PBX3: variants seen among roughly 807,000 people sequenced by gnomAD.
PBX3 encodes PBX homeobox 3.
In PBX3, 14 loss-of-function variants were observed where a neutral mutation model predicts 48.5. That is an observed-to-expected ratio of 0.29 (90% CI 0.19 to 0.45). The LOEUF is 0.45. Among genes scored for constraint, PBX3 ranks in the 20% least tolerant of loss-of-function variants. The probability of loss-of-function intolerance (pLI) is 1.00; values close to 1 mark genes in which losing one functional copy is unlikely to be tolerated. For missense variants in PBX3, 386 were observed against 546.7 expected (o/e 0.71, Z 2.93); for synonymous variants, 210 against 200.3 (o/e 1.05, Z -0.41).
At chr9:125,863,100 G>C (rs928027694) in intron 2 of PBX3, among the ~76,000 whole-genome samples, 1 of 151,726 alleles carries the variant, frequency 6.6e-6, no homozygotes, top group Non-Finnish European at 1.5e-5. Context: ...GTCTTGCTTT[G>C]TTGGCCAGGC....
chr9:125,915,779 C>T lies in PBX3; in HGVS notation c.368C>T (p.Pro123Leu). The T allele has an allele frequency of 1.2e-6, 2 of 1,614,050 alleles. No individual in the cohort carries two copies. The highest frequency in any genetic ancestry group is 1.7e-6 in the Non-Finnish European group (2 of 1,180,010). Residue 123 changes from proline (P) to leucine (L), a missense_variant, in exon 3 of 9, where the codon CCT becomes CTT. Pro to Leu is a moderately conservative substitution (Grantham distance 98). This residue lies in a region of PBX3 where 69 missense variants were observed against 99.1 expected (regional missense o/e 0.70). Transcript: ENST00000373489. ...NMLLAEGVSG[P>L]EKGGGSAAAA... ...CTTTTGGCAGAAGGGGTTTCAGGTC[C>T]TGAGAAAGGTGGGGGATCGGCGGCA... is the stretch of plus-strand genomic sequence containing the variant.
rs182331224 is a variant in PBX3, at chr9:125,812,719, A to G, written c.274+64096A>G. ...AGAACATCATACAGTGTTCTTACAC[A>G]AGCTTAAATGATATAGCCTTCTGTA... On this transcript the variant is annotated intron_variant, in intron 2 of 8. Coordinates refer to ENST00000373489, the MANE Select transcript of PBX3 (RefSeq NM_006195.6). 1.5e-3 allele frequency among the ~76,000 whole-genome samples: 231 copies of G among 152,350 alleles called. 1 individual carries two copies. Among genetic ancestry groups the G allele is most frequent in the Non-Finnish European group, 1.7e-3 (115 of 68,034 alleles).
chr9:125,905,015 T>A (rs1276649884), intron 2 of PBX3, among the ~76,000 whole-genome samples: 3 of 151,992 alleles, frequency 2.0e-5, no homozygotes, highest in African/African-American at 7.2e-5. Context: ...CTTTAGGTAA[T>A]TTTGAAATCT....
chr9:125,963,185 G>A (rs1191852313), intron 8 of PBX3, 84 bp downstream of exon 8: 13 of 673,006 alleles, frequency 1.9e-5, no homozygotes, highest in Non-Finnish European at 3.2e-5. Context: ...ATTTGACCTG[G>A]CTTCTCATCT....
intron 2 of PBX3, among the ~76,000 whole-genome samples, chr9:125,776,681 T>A (rs1020592417): frequency 3.9e-5 from 6 of 152,068 alleles, no homozygotes; most frequent in Non-Finnish European, 8.8e-5. Flanking sequence ...TCTGGGACTT[T>A]AGGCACATGC....
chr9:125,878,572 T>C (rs753925713), intron 2 of PBX3, among the ~76,000 whole-genome samples: 3 of 152,142 alleles, frequency 2.0e-5, no homozygotes, highest in South Asian at 2.1e-4. Flanking sequence ...CCCAGCTTGA[T>C]TGATGGAAGG....
intron 2 of PBX3, among the ~76,000 whole-genome samples, chr9:125,906,708 G>T (rs946146299): frequency 2.6e-5 from 4 of 151,810 alleles, no homozygotes; most frequent in Non-Finnish European, 5.9e-5. Context: ...CTCCCCATTG[G>T]TTGTTTCTGA....
intron 2 of PBX3, among the ~76,000 whole-genome samples, chr9:125,768,758 C>A (rs1836864833): frequency 6.6e-6 from 1 of 152,144 alleles, no homozygotes; most frequent in South Asian, 2.1e-4. Context: ...AGTATTACCA[C>A]CAAACTTATC....
intron 2 of PBX3, among the ~76,000 whole-genome samples, chr9:125,854,776 C>G (rs1261798637): frequency 6.6e-6 from 1 of 152,146 alleles, no homozygotes; most frequent in Non-Finnish European, 1.5e-5. Context: ...TGAAAGGGAA[C>G]TTGGGTTGAA....
At chr9:125,896,716 C>G (rs1348284611) in intron 2 of PBX3, among the ~76,000 whole-genome samples, 1 of 151,982 alleles carries the variant, frequency 6.6e-6, no homozygotes, top group African/African-American at 2.4e-5. Context: ...TAATTAGCCT[C>G]CTCCTGCCTG....
At chr9:125,904,990 T>A (rs1841037087) in intron 2 of PBX3, among the ~76,000 whole-genome samples, 1 of 151,938 alleles carries the variant, frequency 6.6e-6, no homozygotes, top group Non-Finnish European at 1.5e-5. Flanking sequence ...AAACACCCAG[T>A]TCAAAATCAG....
intron 2 of PBX3, among the ~76,000 whole-genome samples, chr9:125,779,273 T>C (rs1170045813): frequency 6.7e-6 from 1 of 149,406 alleles, no homozygotes; most frequent in Non-Finnish European, 1.5e-5. Context: ...ATTTTTATTT[T>C]TTTTATTGAT....
chr9:125,815,965 C>T (rs1018034555), intron 2 of PBX3, among the ~76,000 whole-genome samples: 18 of 151,114 alleles, frequency 1.2e-4, no homozygotes, highest in Non-Finnish European at 2.4e-4. Flanking sequence ...TCTTCAGCCC[C>T]ACCCCCTACT....
intron 2 of PBX3, among the ~76,000 whole-genome samples, chr9:125,778,756 GAGTACT>G (rs1837153154): frequency 6.7e-6 from 1 of 148,188 alleles, no homozygotes; most frequent in Admixed American, 6.7e-5. Context: ...TTGCTGTTTG[GAGTACT>G]AGCCTCACCC....
chr9:125,831,498 T>G (rs1303556340), intron 2 of PBX3, among the ~76,000 whole-genome samples: 1 of 150,352 alleles, frequency 6.7e-6, no homozygotes, highest in African/African-American at 2.5e-5. Context: ...TTAGCCAGAG[T>G]GTTTTAAAAG....
At chr9:125,850,320 T>G (rs1209828322) in intron 2 of PBX3, among the ~76,000 whole-genome samples, 2 of 152,054 alleles carry the variant, frequency 1.3e-5, no homozygotes, top group African/African-American at 4.8e-5. Flanking sequence ...TTTCACATGT[T>G]GTTCTAACTG....
intron 2 of PBX3, among the ~76,000 whole-genome samples, chr9:125,808,168 T>C (rs1330551153): frequency 6.6e-6 from 1 of 152,178 alleles, no homozygotes; most frequent in African/African-American, 2.4e-5. Flanking sequence ...AAAGTTTTCC[T>C]AAGGAGTGGT....
At chr9:125,886,305 C>G (rs1415731103) in intron 2 of PBX3, among the ~76,000 whole-genome samples, 1 of 152,058 alleles carries the variant, frequency 6.6e-6, no homozygotes, top group Non-Finnish European at 1.5e-5. Context: ...TTATATAGGC[C>G]TCTGCCTCTG....
rs778343139 is a variant in PBX3 at position 125,860,867 on chromosome 9, A to ACATT, written c.275-54817_275-54816insTTCA. On this transcript the variant is annotated intron_variant, in intron 2 of 8. Coordinates refer to ENST00000373489, the MANE Select transcript of PBX3 (RefSeq NM_006195.6). ...GTGCAACTGTGCTCCAGCCTGGGTG[A>ACATT]CAGAATAAGACTCTGTCAAAAAAAA... 4.5e-5 allele frequency among the ~76,000 whole-genome samples: 6 copies of ACATT among 133,418 alleles called. No homozygotes were observed. In the East Asian group the frequency reaches 1.3e-3, roughly 30 times the overall value. 87.5% of individuals were successfully genotyped at this position (133,418 alleles called of 152,430 possible).
Sources: gnomAD v4.1 joint callset for allele counts (sites outside exome capture counted in the v4.1 genomes callset) on GRCh38, gnomAD v4.1.1 for gene constraint, gnomAD v4.1.1 regional missense constraint, MANE v1.5 for transcripts, NCBI Gene and HGNC (gene_info 2026-07-23, HGNC 2026-07-21) for gene names.